Variants in PRKG1 observed in about 807,000 individuals in gnomAD.
The protein encoded by PRKG1 is protein kinase cGMP-dependent 1.
A neutral mutation model predicts 88.1 loss-of-function variants in PRKG1; 35 were observed. The ratio of observed to expected loss-of-function variants is 0.40; its 90% CI spans 0.30 to 0.53. The LOEUF (loss-of-function observed/expected upper bound fraction) is 0.53. PRKG1 is among the 20% of genes least tolerant of loss of function. The pLI, the probability that PRKG1 is intolerant of heterozygous loss-of-function variation, is 0.59. For synonymous variants in PRKG1, 303 were observed against 292.5 expected (o/e 1.04, Z -0.37); for missense variants, 540 against 839.8 (o/e 0.64, Z 4.41).
At chr10:52,141,891 CCAAA>C (rs1326713213) in intron 8 of PRKG1, among the ~76,000 whole-genome samples, 3 of 152,202 alleles carry the variant, frequency 2.0e-5, no homozygotes, top group South Asian at 2.1e-4. Context: ...GCTTTGTGGG[CCAAA>C]CAGTCTGTGG....
intron 7 of PRKG1, among the ~76,000 whole-genome samples, chr10:52,131,485 G>A (rs1304915979): frequency 2.0e-5 from 3 of 151,996 alleles, no homozygotes; most frequent in African/African-American, 7.2e-5. Flanking sequence ...AAAAGTTAGA[G>A]AGGAACTTCC....
chr10:51,721,970 G>A (rs1483272049), intron 3 of PRKG1, among the ~76,000 whole-genome samples: 11 of 152,128 alleles, frequency 7.2e-5, no homozygotes, highest in Admixed American at 7.2e-4. Flanking sequence ...GGTGGCTTAC[G>A]CCTGTAATCC....
chr10:52,065,380 A>T (rs1056192352), intron 7 of PRKG1, among the ~76,000 whole-genome samples: 1 of 152,202 alleles, frequency 6.6e-6, no homozygotes, highest in Non-Finnish European at 1.5e-5. Flanking sequence ...GGGAACAGTC[A>T]GTTCTGTTTT....
chr10:51,387,519 G>A (rs1305025960), intron 2 of PRKG1, among the ~76,000 whole-genome samples: 2 of 151,898 alleles, frequency 1.3e-5, no homozygotes, highest in East Asian at 3.8e-4. Context: ...CTCCCAGCAG[G>A]AATAGTTACT....
intron 4 of PRKG1, among the ~76,000 whole-genome samples, chr10:51,897,055 A>G (rs1288398812): frequency 1.3e-5 from 2 of 152,206 alleles, no homozygotes; most frequent in East Asian, 1.9e-4. Context: ...AGAAACTAAG[A>G]GAAGAAAGAC....
intron 2 of PRKG1, among the ~76,000 whole-genome samples, chr10:51,409,225 C>T (rs1272636744): frequency 6.6e-6 from 1 of 152,124 alleles, no homozygotes; most frequent in Non-Finnish European, 1.5e-5. Context: ...TTTCCAGGCC[C>T]TAGTCTTGTC....
At chr10:51,957,945 G>C (rs765777340) in intron 5 of PRKG1, among the ~76,000 whole-genome samples, 1 of 152,176 alleles carries the variant, frequency 6.6e-6, no homozygotes, top group African/African-American at 2.4e-5. Context: ...TTAGATGCTC[G>C]GTTGAATGAT....
At chr10:51,094,816 G>A (rs1844490588) in intron 1 of PRKG1, among the ~76,000 whole-genome samples, 1 of 151,936 alleles carries the variant, frequency 6.6e-6, no homozygotes, top group Non-Finnish European at 1.5e-5. Context: ...TATGTGTAAG[G>A]GTTTATAGAC....
At chr10:51,446,743 T>C (rs1018972440) in intron 2 of PRKG1, among the ~76,000 whole-genome samples, 2 of 152,048 alleles carry the variant, frequency 1.3e-5, no homozygotes, top group Admixed American at 1.3e-4. Flanking sequence ...ACTTCCTCCA[T>C]TTTGGCCTTA....
intron 3 of PRKG1, among the ~76,000 whole-genome samples, chr10:51,554,829 G>A (rs1453455366): frequency 6.6e-6 from 1 of 151,732 alleles, no homozygotes; most frequent in East Asian, 1.9e-4. Flanking sequence ...TCAAACCAAG[G>A]CTCTGACAAT....
chr10:51,151,576 T>G (rs930887096), intron 1 of PRKG1, among the ~76,000 whole-genome samples: 23 of 151,874 alleles, frequency 1.5e-4, no homozygotes, highest in African/African-American at 3.9e-4. Context: ...TTTGTTTTTT[T>G]TTTTTAACAT....
At chr10:51,236,382 A>G (rs1465376901) in intron 2 of PRKG1, among the ~76,000 whole-genome samples, 1 of 152,032 alleles carries the variant, frequency 6.6e-6, no homozygotes, top group Non-Finnish European at 1.5e-5. Flanking sequence ...TGTTGTCAGT[A>G]TTTGTCAGCT....
intron 9 of PRKG1, among the ~76,000 whole-genome samples, chr10:52,239,599 A>T (rs1158946803): frequency 6.8e-6 from 1 of 147,036 alleles, no homozygotes; most frequent in Non-Finnish European, 1.5e-5. Flanking sequence ...ATTTTACTCA[A>T]TTATTTACCA....
intron 3 of PRKG1, among the ~76,000 whole-genome samples, chr10:51,660,042 C>T (rs1840256896): frequency 6.6e-6 from 1 of 150,452 alleles, no homozygotes; most frequent in Non-Finnish European, 1.5e-5. Flanking sequence ...AGATATGTCG[C>T]TCTATAGAAT....
intron 5 of PRKG1, among the ~76,000 whole-genome samples, chr10:52,003,648 G>C (rs1472656795): frequency 6.6e-6 from 1 of 152,186 alleles, no homozygotes; most frequent in Non-Finnish European, 1.5e-5. Flanking sequence ...ACCAGACGAA[G>C]AGTCAGGAAT....
At chr10:51,026,967 C>T (rs562046008) in intron 1 of PRKG1, among the ~76,000 whole-genome samples, 1 of 152,198 alleles carries the variant, frequency 6.6e-6, no homozygotes, top group South Asian at 2.1e-4. Flanking sequence ...CAGGGCTGGA[C>T]CTATAATCAA....
chr10:51,511,213 G>A (rs768229453), intron 3 of PRKG1, among the ~76,000 whole-genome samples: 36 of 152,042 alleles, frequency 2.4e-4, no homozygotes, highest in Non-Finnish European at 4.0e-4. Context: ...GATAAAATAA[G>A]GCTTGTTGCG....
At position 51,986,404 on chromosome 10, in the gene PRKG1, A is replaced by G. The variant is rs187025145; in HGVS notation, c.763-68080A>G. On this transcript the variant is annotated intron_variant, in intron 5 of 17. Coordinates refer to ENST00000373980, the MANE Select transcript of PRKG1 (RefSeq NM_006258.4). ...AGAACACATAAGATAGTCACTTCAA[A>G]AAAAAGATCTTTTCCAAGTTCAAGT... Among the ~76,000 whole-genome samples the G allele has an allele frequency of 4.6e-3, 704 of 152,326 alleles. 5 individuals are homozygous for G. Among genetic ancestry groups the G allele is most frequent in the African/African-American group, 0.015 (638 of 41,556 alleles).
chr10:51,020,346 GA>G (rs1425880172), intron 1 of PRKG1, among the ~76,000 whole-genome samples: 1 of 152,054 alleles, frequency 6.6e-6, no homozygotes, highest in Non-Finnish European at 1.5e-5. Flanking sequence ...CCAAAGAATT[GA>G]AAACAGAGTC....
Sources: gnomAD v4.1 joint callset for allele counts (sites outside exome capture counted in the v4.1 genomes callset) on GRCh38, gnomAD v4.1.1 for gene constraint, MANE v1.5 for transcripts, NCBI Gene and HGNC (gene_info 2026-07-23, HGNC 2026-07-21) for gene names.